Variants in UGT1A9 observed in about 807,000 individuals in gnomAD.
The protein encoded by UGT1A9 is UDP glucuronosyltransferase family 1 member A9, also known as UDP-glucuronosyltransferase 1A9.
In UGT1A9, 35 loss-of-function variants were observed where a neutral mutation model predicts 45.0. The ratio of observed to expected loss-of-function variants is 0.78; its 90% CI spans 0.59 to 1.03. The LOEUF (loss-of-function observed/expected upper bound fraction) is 1.03, where lower values mean the gene tolerates loss of function less well. Ranked by LOEUF, UGT1A9 falls within the 50% of genes least tolerant of loss-of-function variation. The probability of loss-of-function intolerance (pLI) is 0.00; values close to 1 mark genes in which losing one functional copy is unlikely to be tolerated. For missense variants in UGT1A9, 687 were observed against 666.6 expected, an observed-to-expected ratio of 1.03 and a Z score of -0.34; for synonymous variants, 278 against 250.6, an observed-to-expected ratio of 1.11 and a Z score of -1.03.
At chr2:233,755,943 TC>T (rs1252557190) in intron 1 of UGT1A9, 1 of 62,766 alleles carries the variant, frequency 1.6e-5, no homozygotes, top group African/African-American at 8.0e-5. Context: ...TTTTTGCATC[TC>T]TCTCTTTAGT....
intron 1 of UGT1A9, chr2:233,719,027 C>A: frequency 1.2e-6 from 2 of 1,614,228 alleles, no homozygotes; most frequent in South Asian, 1.1e-5. Flanking sequence ...ATATGCACAT[C>A]AAAGAAGAGA....
rs182452303 is a variant in UGT1A9, at chr2:233,698,543, T to C, written c.855+25754T>C. On this transcript the variant is annotated intron_variant, in intron 1 of 4. Coordinates refer to ENST00000354728, the MANE Select transcript of UGT1A9 (RefSeq NM_021027.3). ...ATACATAAAGTAAACAGAACACGAG[T>C]GGCCAACAAAACTTTAAGAACATGT... Among the ~76,000 whole-genome samples the C allele has an allele frequency of 5.0e-4, 76 of 152,258 alleles. 2 individuals carry two copies. Among genetic ancestry groups the C allele is most frequent in the Admixed American group, 4.9e-3 (75 of 15,286 alleles).
At chr2:233,681,256 A>G (rs1187740641) in intron 1 of UGT1A9, among the ~76,000 whole-genome samples, 1 of 152,086 alleles carries the variant, frequency 6.6e-6, no homozygotes, top group Non-Finnish European at 1.5e-5. Context: ...AACTTTGGCC[A>G]GGTGTAGTGG....
At chr2:233,747,723 T>C in intron 1 of UGT1A9, 1 of 1,612,498 alleles carries the variant, frequency 6.2e-7, no homozygotes, top group Non-Finnish European at 8.5e-7. Flanking sequence ...TCCTGCTGTG[T>C]TTTTTTTGAG....
At chr2:233,736,896 C>A (rs1212789655) in intron 1 of UGT1A9, among the ~76,000 whole-genome samples, 1 of 152,186 alleles carries the variant, frequency 6.6e-6, no homozygotes, top group African/African-American at 2.4e-5. Context: ...GCTGCCTGAT[C>A]CTTCCTCTGG....
intron 1 of UGT1A9, chr2:233,760,989 C>T: frequency 6.2e-7 from 1 of 1,614,198 alleles, no homozygotes; most frequent in Non-Finnish European, 8.5e-7. Context: ...CAACCCTTGC[C>T]TCAGAATTCC....
At chr2:233,725,270 A>AGAGGCAGAG (rs2077418450) in intron 1 of UGT1A9, among the ~76,000 whole-genome samples, 1 of 37,556 alleles carries the variant, frequency 2.7e-5, no homozygotes, top group Non-Finnish European at 5.1e-5. Flanking sequence ...CAGAGGAGGC[A>AGAGGCAGAG]GAGGCAGAGG....
Position 233,672,260 on chromosome 2 carries a change from T to A in UGT1A9, c.326T>A (p.Leu109Ter), listed in dbSNP as rs775577335. The A allele has an allele frequency of 6.2e-7, 1 of 1,614,196 alleles. No homozygotes were observed. The highest frequency in any genetic ancestry group is 1.1e-5 in the South Asian group (1 of 91,084). Reference protein sequence around the residue: ...KAQVRSIYSLLMGSYNDIFDL... With the variant: ...KAQVRSIYSL ...CAAGTACGAAGTATATATTCTCTAT[T>A]AATGGGTTCATACAATGACATTTTT... The change falls in exon 1 of 5, where the codon TTA becomes TAA. Residue 109 changes from leucine to a stop codon, truncating the protein, a stop_gained. Coordinates refer to ENST00000354728, the MANE Select transcript of UGT1A9 (RefSeq NM_021027.3). LOFTEE classifies it high-confidence loss of function.
At position 233,732,107 on chromosome 2, in the gene UGT1A9, C is replaced by A. The variant is rs564332248; in HGVS notation, c.856-34927C>A. Among the ~76,000 whole-genome samples the A allele has an allele frequency of 2.0e-5, 3 of 151,486 alleles. No individual in the cohort carries two copies. In the East Asian group the frequency reaches 5.8e-4, roughly 29 times the overall value. On this transcript the variant is annotated intron_variant, in intron 1 of 4. Coordinates refer to ENST00000354728, the MANE Select transcript of UGT1A9 (RefSeq NM_021027.3). The stretch of plus-strand genomic sequence containing the variant: ...TCTTTTGAGAAGTGTCTGTTCATAT[C>A]CTTTGCCCACTTTTTGATGAGGTTG...
At chr2:233,743,532 G>T in intron 1 of UGT1A9, 1 of 1,367,232 alleles carries the variant, frequency 7.3e-7, no homozygotes, top group South Asian at 1.1e-5. Context: ...TTCCCCAGCA[G>T]TTCCTCTGAC....
At chr2:233,753,876 C>T (rs1268305886) in intron 1 of UGT1A9, among the ~76,000 whole-genome samples, 1 of 152,310 alleles carries the variant, frequency 6.6e-6, no homozygotes, top group East Asian at 1.9e-4. Flanking sequence ...AAGGTCTGTC[C>T]TCAGCCTTCA....
At chr2:233,718,718 T>C in intron 1 of UGT1A9, 1 of 1,609,208 alleles carries the variant, frequency 6.2e-7, no homozygotes, top group Non-Finnish European at 8.5e-7. Flanking sequence ...AATTACATGC[T>C]GATTTGCTAG....
At chr2:233,694,193 C>A (rs923236603) in intron 1 of UGT1A9, among the ~76,000 whole-genome samples, 1 of 152,120 alleles carries the variant, frequency 6.6e-6, no homozygotes, top group Non-Finnish European at 1.5e-5. Flanking sequence ...GGAACAGGTC[C>A]AGGTTAAAAT....
intron 1 of UGT1A9, chr2:233,718,701 G>T: frequency 6.3e-7 from 1 of 1,599,658 alleles, no homozygotes; most frequent in Non-Finnish European, 8.5e-7. Context: ...AGGGCACTTT[G>T]TCTTCCAATT....
intron 1 of UGT1A9, among the ~76,000 whole-genome samples, chr2:233,739,272 C>T (rs1444866031): frequency 6.6e-6 from 1 of 152,138 alleles, no homozygotes; most frequent in African/African-American, 2.4e-5. Flanking sequence ...AGGTTGGAGC[C>T]CCCACACAGA....
chr2:233,715,458 T>C (rs1405071457), intron 1 of UGT1A9, among the ~76,000 whole-genome samples: 3 of 152,180 alleles, frequency 2.0e-5, no homozygotes, highest in Admixed American at 6.5e-5. Context: ...ATTTTTTGAA[T>C]TCCCCATCTC....
intron 1 of UGT1A9, among the ~76,000 whole-genome samples, chr2:233,705,827 C>T (rs757797853): frequency 6.6e-6 from 1 of 152,164 alleles, no homozygotes; most frequent in Non-Finnish European, 1.5e-5. Flanking sequence ...AGGCCGAGCA[C>T]AGTGGCTGGA....
chr2:233,690,043 T>C (rs2074972825), intron 1 of UGT1A9: 1 of 410,506 alleles, frequency 2.4e-6, no homozygotes, highest in Admixed American at 3.0e-5. Flanking sequence ...GCCCAGAGCA[T>C]TCTGACTTCT....
At chr2:233,713,139 GACCTCCATGCGAGAGGCC>G in intron 1 of UGT1A9, 2 of 1,614,230 alleles carry the variant, frequency 1.2e-6, no homozygotes, top group Non-Finnish European at 1.7e-6. Context: ...GGCCTTGCGG[GACCTCCATGCGAGAGGCC>G]ACCAGGTGGT....
Sources: gnomAD v4.1 joint callset for allele counts (sites outside exome capture counted in the v4.1 genomes callset) on GRCh38, gnomAD v4.1.1 for gene constraint, MANE v1.5 for transcripts, NCBI Gene and HGNC (gene_info 2026-07-23, HGNC 2026-07-21) for gene names.